DOCK2: variants seen among roughly 807,000 people sequenced by gnomAD.
DOCK2 encodes the protein dedicator of cytokinesis protein 2.
In DOCK2, 87 loss-of-function variants were observed where a neutral mutation model predicts 248.9. The observed-to-expected ratio is 0.35, with a 90% CI of 0.29 to 0.42. The LOEUF (loss-of-function observed/expected upper bound fraction) is 0.42, where lower values mean the gene tolerates loss of function less well. DOCK2 is among the 10% of genes least tolerant of loss of function. The pLI, the probability that DOCK2 is intolerant of heterozygous loss-of-function variation, is 1.00. For missense variants in DOCK2, 1,747 were observed against 2,300.2 expected (o/e 0.76, Z 4.92); for synonymous variants, 805 against 821.6 (o/e 0.98, Z 0.35).
At chr5:169,690,496 T>C (rs1253448630) in intron 9 of DOCK2, among the ~76,000 whole-genome samples, 1 of 152,248 alleles carries the variant, frequency 6.6e-6, no homozygotes, top group African/African-American at 2.4e-5. Context: ...TTAATTTTGT[T>C]ATTTTCTTTA....
chr5:170,076,888 A>G lies in DOCK2; in HGVS notation c.4866+804A>G, dbSNP rs190382426. Among the ~76,000 whole-genome samples the G allele has an allele frequency of 1.6e-4, 25 of 152,270 alleles. 1 individual carries two copies. The East Asian group carries it at 4.8e-3, about 29-fold the overall frequency. On this transcript the variant is annotated intron_variant, in intron 47 of 51. Coordinates refer to ENST00000520908, the MANE Select transcript of DOCK2 (RefSeq NM_004946.3). ...TGCTAACTCCCTGGAGTTAGGTCACATTTCACAGGTTAGAAGCACAGTCTT... is the reference window on the plus strand; with the variant it reads ...TGCTAACTCCCTGGAGTTAGGTCACGTTTCACAGGTTAGAAGCACAGTCTT...
intron 22 of DOCK2, among the ~76,000 whole-genome samples, chr5:169,735,950 G>A (rs2113642907): frequency 6.6e-6 from 1 of 151,084 alleles, no homozygotes; most frequent in African/African-American, 2.5e-5. Flanking sequence ...AGGGGGGAGA[G>A]GGAGAGAGAG....
chr5:169,866,003 A>G (rs1771527647), intron 27 of DOCK2, among the ~76,000 whole-genome samples: 1 of 151,760 alleles, frequency 6.6e-6, no homozygotes, highest in African/African-American at 2.4e-5. Context: ...GCATTCTGAG[A>G]TGGAAGAGGC....
At chr5:169,807,264 T>G (rs1044244141) in intron 26 of DOCK2, among the ~76,000 whole-genome samples, 3 of 152,176 alleles carry the variant, frequency 2.0e-5, no homozygotes, top group Non-Finnish European at 2.9e-5. Flanking sequence ...GTCTCAAACC[T>G]GAGCAGGCAC....
intron 34 of DOCK2, among the ~76,000 whole-genome samples, chr5:170,029,713 G>A (rs574955522): frequency 6.6e-6 from 1 of 152,300 alleles, no homozygotes; most frequent in South Asian, 2.1e-4. Context: ...CTCGCTAAGT[G>A]CATATTCTCT....
At chr5:169,887,596 T>C (rs2113526058) in intron 27 of DOCK2, among the ~76,000 whole-genome samples, 1 of 152,384 alleles carries the variant, frequency 6.6e-6, no homozygotes, top group South Asian at 2.1e-4. Context: ...TGAATTTGTC[T>C]AGTTATACAA....
chr5:170,045,516 G>A (rs1756675618), intron 38 of DOCK2, among the ~76,000 whole-genome samples: 1 of 152,154 alleles, frequency 6.6e-6, no homozygotes, highest in African/African-American at 2.4e-5. Flanking sequence ...TTCTGACCCG[G>A]ACAATGAAGA....
chr5:169,783,625 C>G (rs922324874), intron 25 of DOCK2, among the ~76,000 whole-genome samples: 1 of 151,930 alleles, frequency 6.6e-6, no homozygotes, highest in Non-Finnish European at 1.5e-5. Flanking sequence ...GTTAGAGACA[C>G]TGTAGAGCAT....
intron 27 of DOCK2, among the ~76,000 whole-genome samples, chr5:169,866,155 A>G (rs1385730266): frequency 1.3e-5 from 2 of 152,006 alleles, no homozygotes; most frequent in Non-Finnish European, 2.9e-5. Flanking sequence ...AGCACTAGGA[A>G]AGGGTATCTG....
At chr5:169,692,575 T>G (rs1760372214) in intron 9 of DOCK2, among the ~76,000 whole-genome samples, 1 of 151,196 alleles carries the variant, frequency 6.6e-6, no homozygotes, top group Non-Finnish European at 1.5e-5. Flanking sequence ...CTAAGAGGTC[T>G]GACATCTTCC....
At chr5:169,970,606 G>T (rs1777468481) in intron 27 of DOCK2, among the ~76,000 whole-genome samples, 1 of 152,206 alleles carries the variant, frequency 6.6e-6, no homozygotes, top group African/African-American at 2.4e-5. Flanking sequence ...AGGCTGGCTT[G>T]CAGGGTAGTT....
chr5:169,668,497 G>A (rs1364184393), intron 2 of DOCK2, among the ~76,000 whole-genome samples: 2 of 152,096 alleles, frequency 1.3e-5, no homozygotes, highest in East Asian at 1.9e-4. Flanking sequence ...CTGTCAGCCC[G>A]GTAATGAGGG....
chr5:169,728,541 G>A (rs1174105907), intron 22 of DOCK2, among the ~76,000 whole-genome samples: 1 of 152,156 alleles, frequency 6.6e-6, no homozygotes, highest in Non-Finnish European at 1.5e-5. Flanking sequence ...TGTCGGCAGT[G>A]TCAGGTGCTA....
intron 27 of DOCK2, among the ~76,000 whole-genome samples, chr5:169,851,855 G>A (rs1770631574): frequency 6.6e-6 from 1 of 152,108 alleles, no homozygotes; most frequent in African/African-American, 2.4e-5. Flanking sequence ...ACAGCCTGGG[G>A]AAAACTACCC....
intron 27 of DOCK2, among the ~76,000 whole-genome samples, chr5:169,879,229 T>TGAGCG (rs1170169364): frequency 6.6e-6 from 1 of 152,212 alleles, no homozygotes; most frequent in Non-Finnish European, 1.5e-5. Flanking sequence ...TGACATGCAC[T>TGAGCG]GAGCGCATCC....
At position 169,664,650 on chromosome 5, in the gene DOCK2, A is replaced by G. The variant is rs963148328; in HGVS notation, c.128-4638A>G. On this transcript the variant is annotated intron_variant, in intron 2 of 51. Transcript: ENST00000520908. ...CACATCTTACATGGCAGCAGGAGAG[A>G]GAGACAGCAAGGGGAAAGTGCCACA... Among the ~76,000 whole-genome samples the G allele has an allele frequency of 2.6e-5, 4 of 152,202 alleles. No homozygotes were observed. In the East Asian group the frequency reaches 7.7e-4, roughly 29 times the overall value.
intron 22 of DOCK2, among the ~76,000 whole-genome samples, chr5:169,721,818 A>G (rs1762221741): frequency 6.6e-6 from 1 of 152,186 alleles, no homozygotes; most frequent in African/African-American, 2.4e-5. Context: ...TTATTTTACT[A>G]TATTGTTCAG....
At chr5:169,998,565 C>T (rs543853128) in intron 30 of DOCK2, among the ~76,000 whole-genome samples, 1 of 152,312 alleles carries the variant, frequency 6.6e-6, no homozygotes, top group South Asian at 2.1e-4. Context: ...TTTACAGCCA[C>T]CCTACAAGTT....
chr5:170,045,785 C>T (rs1381210578), intron 38 of DOCK2, 31 bp from the exon 39 acceptor site: 81 of 1,610,986 alleles, frequency 5.0e-5, no homozygotes, highest in Non-Finnish European at 6.3e-5. Flanking sequence ...GGTGGTGCCA[C>T]CTCACCTTTG....
Sources: gnomAD v4.1 joint callset for allele counts (sites outside exome capture counted in the v4.1 genomes callset) on GRCh38, gnomAD v4.1.1 for gene constraint, MANE v1.5 for transcripts, NCBI Gene and HGNC (gene_info 2026-07-23, HGNC 2026-07-21) for gene names.